CFHR5: variants seen among roughly 807,000 people sequenced by gnomAD.
The protein encoded by CFHR5 is complement factor H related 5.
In CFHR5, 73 loss-of-function variants were observed where a neutral mutation model predicts 62.9. That is an observed-to-expected ratio of 1.16 (90% CI 0.96 to 1.41). The LOEUF (loss-of-function observed/expected upper bound fraction) is 1.41, where lower values mean the gene tolerates loss of function less well. Ranked by LOEUF, CFHR5 falls within the 40% of genes most tolerant of loss-of-function variation. The probability of loss-of-function intolerance (pLI) is 0.00; values close to 1 mark genes in which losing one functional copy is unlikely to be tolerated. For synonymous variants in CFHR5, 249 were observed against 227.2 expected, an observed-to-expected ratio of 1.10 and a Z score of -0.86; for missense variants, 779 against 679.9, an observed-to-expected ratio of 1.15 and a Z score of -1.62.
At chr1:196,997,903 C>G (rs993486741) in intron 6 of CFHR5, among the ~76,000 whole-genome samples, 3 of 152,138 alleles carry the variant, frequency 2.0e-5, no homozygotes, top group Non-Finnish European at 4.4e-5. Flanking sequence ...CTTGCACTTT[C>G]ATTTCCCAGA....
chr1:196,982,266 T>C (rs1653561875), intron 1 of CFHR5, among the ~76,000 whole-genome samples: 1 of 152,216 alleles, frequency 6.6e-6, no homozygotes, highest in Non-Finnish European at 1.5e-5. Flanking sequence ...TTTGCTACTC[T>C]TACAGTCTGC....
In CFHR5 at chr1:197,008,582, G is replaced by A. The variant is rs540104721; in HGVS notation, c.1609G>A (p.Val537Ile). Residue 537 changes from valine to isoleucine, a missense_variant, in exon 10 of 10, where the codon GTT (valine) becomes ATT (isoleucine). Transcript: ENST00000256785. ...ACTCTATGCAAAAACAGGGGATGCT[G>A]TTGAATTCCAGTGTAAATTCCCACA... ...GKLYAKTGDA[V>I]EFQCKFPHKA... The A allele has an allele frequency of 5.0e-6, 8 of 1,613,480 alleles. No homozygotes were observed. In the African/African-American group the frequency reaches 1.1e-4, roughly 22 times the overall value.
intron 3 of CFHR5, among the ~76,000 whole-genome samples, chr1:196,985,421 G>A (rs921584539): frequency 6.6e-6 from 1 of 151,554 alleles, no homozygotes; most frequent in Non-Finnish European, 1.5e-5. Flanking sequence ...CTGGAACTGC[G>A]ATAGTTTTTC....
At position 197,004,760 on chromosome 1, in the gene CFHR5, G is replaced by A. The variant is rs149905969; in HGVS notation, c.1430G>A (p.Arg477His). The change falls in exon 9 of 10, where the codon CGT becomes CAT. Residue 477 changes from arginine to histidine, a missense_variant. Coordinates refer to ENST00000256785, the MANE Select transcript of CFHR5 (RefSeq NM_030787.4). ...CCTCCAGGGTCAACAGTGACGTACC[G>A]TTGCCAGTCCTTCTATAAACTCCAG... is the stretch of plus-strand genomic sequence containing the variant. ...VYPPGSTVTY[R>H]CQSFYKLQGS... 96 of 1,613,244 alleles carry A rather than the reference G, an allele frequency of 6.0e-5. No homozygotes were observed. The highest frequency in any genetic ancestry group is 4.0e-4 in the South Asian group (36 of 91,044).
intron 3 of CFHR5, among the ~76,000 whole-genome samples, chr1:196,993,334 AC>A (rs1181539696): frequency 6.6e-6 from 1 of 152,114 alleles, no homozygotes; most frequent in African/African-American, 2.4e-5. Context: ...TCACTCTGTC[AC>A]CCAGGCTGGA....
At chr1:196,996,503 G>A (rs1252917551) in intron 6 of CFHR5, among the ~76,000 whole-genome samples, 1 of 152,102 alleles carries the variant, frequency 6.6e-6, no homozygotes. Flanking sequence ...GCAAGAATGT[G>A]ATTTAATTGC....
chr1:196,983,369 G>A (rs905006751), intron 2 of CFHR5, among the ~76,000 whole-genome samples: 4 of 152,024 alleles, frequency 2.6e-5, no homozygotes, highest in East Asian at 1.9e-4. Context: ...ATATTCATTC[G>A]GTAGCAGCCT....
At position 197,004,680 on chromosome 1, in the gene CFHR5, G is replaced by T. The variant is rs77159278; in HGVS notation, c.1350G>T (p.Gly450=). 8 of 1,612,900 alleles carry T rather than the reference G, an allele frequency of 5.0e-6. No individual in the cohort carries two copies. Among genetic ancestry groups the T allele is most frequent in the African/African-American group, 1.3e-5 (1 of 74,722 alleles). ...TTCCAGAGTCTACTGCATATTGTGG[G>T]CCCCCTCCATCTATTAACAATGGAG... ...PRCVESTAYC[G]PPPSINNGDT... The change falls in exon 9 of 10, where the codon GGG becomes GGT. Residue 450 remains glycine, a synonymous_variant. Coordinates refer to ENST00000256785, the MANE Select transcript of CFHR5 (RefSeq NM_030787.4).
chr1:196,979,347 T>C (rs1653477554), intron 1 of CFHR5, among the ~76,000 whole-genome samples: 1 of 151,722 alleles, frequency 6.6e-6, no homozygotes, highest in Admixed American at 6.6e-5. Context: ...ATAGGCAATT[T>C]CGTCCTCCTG....
intron 3 of CFHR5, among the ~76,000 whole-genome samples, chr1:196,993,784 C>T (rs578219944): frequency 3.5e-4 from 53 of 151,954 alleles, no homozygotes; most frequent in Non-Finnish European, 6.8e-4. Context: ...ACTAATATTG[C>T]TAATTAAACA....
intron 3 of CFHR5, among the ~76,000 whole-genome samples, chr1:196,986,739 G>A (rs112173239): frequency 0.024 from 3,655 of 152,208 alleles, 160 homozygotes; most frequent in African/African-American, 0.084. Context: ...TGGTGTATGT[G>A]TGCCGCATTT....
At chr1:197,002,005 C>T (rs1654165997) in intron 7 of CFHR5, among the ~76,000 whole-genome samples, 2 of 152,094 alleles carry the variant, frequency 1.3e-5, no homozygotes, top group African/African-American at 4.8e-5. Context: ...ACCAGCCATT[C>T]TCATGTTTAC....
chr1:196,989,153 G>A (rs1461204048), intron 3 of CFHR5, among the ~76,000 whole-genome samples: 1 of 152,120 alleles, frequency 6.6e-6, no homozygotes, highest in Non-Finnish European at 1.5e-5. Context: ...TAGTTTATTT[G>A]CGTAGAGGTG....
At position 197,002,637 on chromosome 1, in the gene CFHR5, C is replaced by T. The variant is rs758392186; in HGVS notation, c.1303C>T (p.Arg435Ter). ...EAKEIVCKDGRWQSLPRCVES... is the reference protein window; with the variant it reads ...EAKEIVCKDG The stretch of plus-strand genomic sequence containing the variant: ...AAAAGAAATTGTATGTAAAGATGGA[C>T]GATGGCAATCATTACCACGCTGTGT... Residue 435 changes from arginine (R) to a stop codon, truncating the protein, a stop_gained, in exon 8 of 10, where the codon CGA becomes TGA. Coordinates refer to ENST00000256785, the MANE Select transcript of CFHR5 (RefSeq NM_030787.4). LOFTEE classifies it high-confidence loss of function. 5.6e-6 allele frequency: 9 copies of T among 1,613,186 alleles called. No individual in the cohort carries two copies. The East Asian group carries it at 8.9e-5, about 16-fold the overall frequency.
At position 196,983,993 on chromosome 1, in the gene CFHR5, C is replaced by A. The variant is rs1473813961; in HGVS notation, c.286C>A (p.His96Asn). The A allele has an allele frequency of 6.2e-7, 1 of 1,611,456 alleles. No individual in the cohort carries two copies. Among genetic ancestry groups the A allele is most frequent in the Admixed American group, 1.7e-5 (1 of 59,886 alleles). ...TTCCTTTCCTTTTGTGAAAAATGGT[C>A]ATTCTGAATCTTCAGGACTAATACA... Reference protein sequence around the residue: ...MCSFPFVKNGHSESSGLIHLE... With the variant: ...MCSFPFVKNGNSESSGLIHLE... The change falls in exon 3 of 10, where the codon CAT becomes AAT. Residue 96 changes from histidine (H) to asparagine (N), a missense_variant. By Grantham distance (68) the His-to-Asn change is moderately conservative. Coordinates refer to ENST00000256785, the MANE Select transcript of CFHR5 (RefSeq NM_030787.4).
intron 1 of CFHR5, among the ~76,000 whole-genome samples, chr1:196,980,324 A>G (rs1302898213): frequency 3.4e-5 from 5 of 148,376 alleles, no homozygotes; most frequent in African/African-American, 1.2e-4. Flanking sequence ...AACCAGTACC[A>G]TGGTCATTTA....
upstream of CFHR5, among the ~76,000 whole-genome samples, chr1:196,977,378 G>A (rs985062364): frequency 6.6e-6 from 1 of 151,616 alleles, no homozygotes; most frequent in African/African-American, 2.4e-5. Context: ...CAAACTCAGA[G>A]ACTCGGTGAC....
chr1:196,992,092 A>G (rs1653861429), intron 3 of CFHR5, among the ~76,000 whole-genome samples: 2 of 152,144 alleles, frequency 1.3e-5, no homozygotes, highest in African/African-American at 4.8e-5. Flanking sequence ...AAGCCTCAGC[A>G]TTGGCGGACG....
chr1:197,007,193 A>G (rs1654311954), intron 9 of CFHR5, among the ~76,000 whole-genome samples: 1 of 152,070 alleles, frequency 6.6e-6, no homozygotes, highest in African/African-American at 2.4e-5. Context: ...TTACACCGAG[A>G]AAACATGCAA....
Sources: allele counts gnomAD v4.1 joint callset (sites outside exome capture counted in the v4.1 genomes callset), GRCh38; gene constraint gnomAD v4.1.1; transcripts MANE v1.5; gene names NCBI Gene and HGNC (gene_info 2026-07-23, HGNC 2026-07-21).